The following ARHGAP26 variants were observed in gnomAD, a reference collection of about 807,000 sequenced individuals.
ARHGAP26 encodes rho GTPase-activating protein 26.
ARHGAP26 carries 38 observed loss-of-function variants against 104.8 expected under a neutral mutation model. The observed-to-expected ratio is 0.36, with a 90% CI of 0.28 to 0.48. The LOEUF is 0.48. Ranked by LOEUF, ARHGAP26 falls within the 20% of genes least tolerant of loss-of-function variation. ARHGAP26 has a pLI of 0.99. For missense variants in ARHGAP26, 704 were observed against 947.9 expected (o/e 0.74, Z 3.38); for synonymous variants, 341 against 340.0 (o/e 1.00, Z -0.03).
At chr5:143,116,441 C>T (rs1795455257) in intron 17 of ARHGAP26, among the ~76,000 whole-genome samples, 1 of 152,164 alleles carries the variant, frequency 6.6e-6, no homozygotes, top group Non-Finnish European at 1.5e-5. Context: ...CAAGATGAAA[C>T]TTATCTCCAA....
At chr5:142,828,976 G>C (rs1238202611) in intron 1 of ARHGAP26, among the ~76,000 whole-genome samples, 1 of 152,180 alleles carries the variant, frequency 6.6e-6, no homozygotes, top group South Asian at 2.1e-4. Context: ...GTGTTTCTGT[G>C]TGCTCATGAT....
intron 19 of ARHGAP26, among the ~76,000 whole-genome samples, chr5:143,141,300 A>G (rs1798506674): frequency 6.6e-6 from 1 of 152,252 alleles, no homozygotes. Flanking sequence ...ACTATCACCA[A>G]GTGAACAAAG....
chr5:143,224,627 C>T lies in ARHGAP26; in HGVS notation c.*2181C>T. 1 of 230,946 alleles carries T rather than the reference C, an allele frequency of 4.3e-6. No homozygotes were observed. The highest frequency in any genetic ancestry group is 8.6e-6 in the Non-Finnish European group (1 of 116,548). 14.3% of individuals were successfully genotyped at this position (230,946 alleles called of 1,614,324 possible). On this transcript the variant is annotated 3_prime_UTR_variant, in exon 23 of 23. Coordinates refer to ENST00000645722, the MANE Select transcript of ARHGAP26 (RefSeq NM_001135608.3). Reference sequence around the variant, plus strand: ...TTCTTTTTCTCCACATCTTCTGAGGCTTTAGAAATGTGGACAAGCTAGTTT... The same window carrying T: ...TTCTTTTTCTCCACATCTTCTGAGGTTTTAGAAATGTGGACAAGCTAGTTT...
At chr5:142,982,062 A>C (rs1213889719) in intron 11 of ARHGAP26, among the ~76,000 whole-genome samples, 1 of 152,180 alleles carries the variant, frequency 6.6e-6, no homozygotes, top group Non-Finnish European at 1.5e-5. Flanking sequence ...GATCCAGCTC[A>C]CCTTATGCTG....
chr5:143,178,694 G>A (rs1227525999), intron 20 of ARHGAP26, among the ~76,000 whole-genome samples: 1 of 152,166 alleles, frequency 6.6e-6, no homozygotes, highest in Non-Finnish European at 1.5e-5. Context: ...TGAGCTGAGA[G>A]CTTCACATTT....
Position 142,770,711 on chromosome 5 carries a change from C to A in ARHGAP26, c.-51C>A. The A allele has an allele frequency of 8.9e-7, 1 of 1,117,918 alleles. No homozygotes were observed. Among genetic ancestry groups the A allele is most frequent in the Non-Finnish European group, 1.1e-6 (1 of 910,212 alleles). 69.2% of individuals were successfully genotyped at this position (1,117,918 alleles called of 1,614,324 possible). ...CCGCGTGAGTGCTCTGGGCGGCGGG[C>A]GGCCCGGGCCCCGGCGGAGGCGCGC... On this transcript the variant is annotated 5_prime_UTR_variant, in exon 1 of 23. Coordinates refer to ENST00000645722, the MANE Select transcript of ARHGAP26 (RefSeq NM_001135608.3).
chr5:143,228,574 G>A lies in ARHGAP26; in HGVS notation c.*6128G>A, dbSNP rs1811837826. On this transcript the variant is annotated 3_prime_UTR_variant, in exon 23 of 23. Coordinates refer to ENST00000645722, the MANE Select transcript of ARHGAP26 (RefSeq NM_001135608.3). ...TCAAAAGCACTCTAAAAGACATTTTGTCCACATTTTGGAAAAGAAAATATT... is the reference window on the plus strand; with the variant it reads ...TCAAAAGCACTCTAAAAGACATTTTATCCACATTTTGGAAAAGAAAATATT... The A allele has an allele frequency of 1.4e-5, 3 of 218,400 alleles. No individual in the cohort carries two copies. Among genetic ancestry groups the A allele is most frequent in the Non-Finnish European group, 2.8e-5 (3 of 108,566 alleles). The allele number at this position is 218,400 out of a possible 1,614,324, so 13.5% of individuals were successfully genotyped here. A position where few individuals can be genotyped will look rare whatever the true frequency, so the allele number is the denominator to read the frequency against.
chr5:142,807,546 C>G (rs1056208134), intron 1 of ARHGAP26, among the ~76,000 whole-genome samples: 2 of 152,236 alleles, frequency 1.3e-5, no homozygotes, highest in Admixed American at 6.5e-5. Flanking sequence ...GCCCACGGCT[C>G]TGGTGTATCC....
intron 21 of ARHGAP26, 197 bp downstream of exon 21, chr5:143,207,505 C>A: frequency 6.2e-7 from 1 of 1,609,580 alleles, no homozygotes; most frequent in Non-Finnish European, 8.5e-7. Flanking sequence ...AATCTGTTCC[C>A]GTTTATCCAA....
chr5:142,830,889 C>T (rs189859711), intron 1 of ARHGAP26, among the ~76,000 whole-genome samples: 1 of 152,338 alleles, frequency 6.6e-6, no homozygotes, highest in Non-Finnish European at 1.5e-5. Context: ...GCTCTCAAAT[C>T]TCCATAGCTA....
chr5:143,200,219 A>C (rs1807482819), intron 20 of ARHGAP26, among the ~76,000 whole-genome samples: 1 of 152,220 alleles, frequency 6.6e-6, no homozygotes. Flanking sequence ...AGGAATTGTC[A>C]GTGTTGGTGG....
chr5:142,857,449 G>A (rs1752548406), intron 1 of ARHGAP26, among the ~76,000 whole-genome samples: 1 of 152,144 alleles, frequency 6.6e-6, no homozygotes, highest in African/African-American at 2.4e-5. Flanking sequence ...CTGGGTACAA[G>A]GTTCTTCTCA....
At chr5:142,878,515 T>C (rs192486204) in intron 3 of ARHGAP26, among the ~76,000 whole-genome samples, 272 of 148,380 alleles carry the variant, frequency 1.8e-3, no homozygotes, top group African/African-American at 6.6e-3. Context: ...TACAAGATAC[T>C]GATGTGTATG....
rs754791440 is a variant in ARHGAP26 at position 143,214,002 on chromosome 5, C to G, written c.2105C>G (p.Pro702Arg). 3 of 1,585,448 alleles carry G rather than the reference C, an allele frequency of 1.9e-6. No homozygotes were observed. Among genetic ancestry groups the G allele is most frequent in the Non-Finnish European group, 1.7e-6 (2 of 1,159,546 alleles). Residue 702 changes from proline (P) to arginine (R), a missense_variant, in exon 22 of 23, where the codon CCG (proline) becomes CGG (arginine). Around this residue, in one of 6 missense-constraint regions of ARHGAP26, gnomAD observed 217 missense variants for 242.6 expected, o/e 0.89. Coordinates refer to ENST00000645722, the MANE Select transcript of ARHGAP26 (RefSeq NM_001135608.3). ...TSSDSSPVST[P>R]FRKAKALYAC... ...AAACTCCTGTTTTCACACAGCACAC[C>G]GTTCCGGAAGGCAAAAGCCTTGTAT...
chr5:143,221,443 A>C (rs988478083), intron 22 of ARHGAP26, among the ~76,000 whole-genome samples: 2 of 151,404 alleles, frequency 1.3e-5, no homozygotes, highest in African/African-American at 4.8e-5. Context: ...AAAAAAAAAA[A>C]ACCCCAGAAA....
intron 17 of ARHGAP26, among the ~76,000 whole-genome samples, chr5:143,097,051 A>C (rs766408071): frequency 6.6e-6 from 1 of 152,016 alleles, no homozygotes; most frequent in Non-Finnish European, 1.5e-5. Flanking sequence ...TCTGGACTCA[A>C]ATACAGACCA....
chr5:143,087,942 C>G (rs1186754679), intron 17 of ARHGAP26, among the ~76,000 whole-genome samples: 1 of 151,954 alleles, frequency 6.6e-6, no homozygotes, highest in Non-Finnish European at 1.5e-5. Flanking sequence ...AGCCACCACG[C>G]CTGGCCTATC....
intron 17 of ARHGAP26, among the ~76,000 whole-genome samples, chr5:143,072,222 C>T (rs1788371899): frequency 6.6e-6 from 1 of 152,086 alleles, no homozygotes; most frequent in South Asian, 2.1e-4. Flanking sequence ...GGTATCATCT[C>T]TAGGATGACT....
At chr5:142,800,670 T>G (rs1405743397) in intron 1 of ARHGAP26, among the ~76,000 whole-genome samples, 1 of 152,188 alleles carries the variant, frequency 6.6e-6, no homozygotes, top group Non-Finnish European at 1.5e-5. Context: ...CCTCAAGGTC[T>G]TTTATCTAAT....
Sources: gnomAD v4.1 joint callset for allele counts (sites outside exome capture counted in the v4.1 genomes callset) on GRCh38, gnomAD v4.1.1 for gene constraint, gnomAD v4.1.1 regional missense constraint, MANE v1.5 for transcripts, NCBI Gene and HGNC (gene_info 2026-07-23, HGNC 2026-07-21) for gene names.